The following LRRC9 variants were observed in gnomAD, a reference collection of about 807,000 sequenced individuals.
LRRC9 encodes leucine rich repeat containing 9.
In LRRC9, 122 loss-of-function variants were observed where a neutral mutation model predicts 63.2. The ratio of observed to expected loss-of-function variants is 1.93; its 90% CI spans 1.67 to 2.24. The LOEUF (loss-of-function observed/expected upper bound fraction) is 2.24. Ranked by LOEUF, LRRC9 falls within the 30% of genes most tolerant of loss-of-function variation. LRRC9 has a pLI of 0.00. For synonymous variants in LRRC9, 366 were observed against 213.1 expected (o/e 1.72, Z -6.25); for missense variants, 1,071 against 627.7 (o/e 1.71, Z -7.55).
intron 1 of LRRC9, among the ~76,000 whole-genome samples, chr14:59,925,426 A>G (rs1225444865): frequency 6.6e-6 from 1 of 152,172 alleles, no homozygotes; most frequent in Non-Finnish European, 1.5e-5. Context: ...GAAGGGCAAA[A>G]AAGGGATGAA....
rs893478205 is a variant in LRRC9 at position 59,938,238 on chromosome 14, TAG to T, written c.544-146_544-145del. On this transcript the variant is annotated intron_variant, in intron 6 of 31. Transcript: ENST00000445360. The surrounding 1 kb of genome is among the most constrained non-coding windows in gnomAD (Gnocchi z 4.2). ...TTTCTTCAGGAATTTAGCTTTTCAA[TAG>T]AGAGAAACATTTTAGGCATCTAAAT... Among the ~76,000 whole-genome samples, 56 of 152,308 alleles carry T rather than the reference TAG, an allele frequency of 3.7e-4. No homozygotes were observed. The highest frequency in any genetic ancestry group is 1.3e-3 in the African/African-American group (56 of 41,588).
In LRRC9 at chr14:59,997,689, C is replaced by A. The variant is rs1002889365; in HGVS notation, c.2245C>A (p.His749Asn). The A allele has an allele frequency of 2.1e-5, 15 of 700,904 alleles. No individual in the cohort carries two copies. The African/African-American group carries it at 2.6e-4, about 12-fold the overall frequency. 43.4% of individuals were successfully genotyped at this position (700,904 alleles called of 1,614,324 possible). A position where few individuals can be genotyped will look rare whatever the true frequency, so the allele number is the denominator to read the frequency against. The change falls in exon 18 of 32, where the codon CAT (histidine) becomes AAT (asparagine). Residue 749 changes from histidine to asparagine, a missense_variant. Coordinates refer to ENST00000445360, the Ensembl canonical transcript of LRRC9. ...TGAATATTTGGATGCAAGCCATAACCATGTGATAACCCTTGAGGGATTTAG... is the reference window on the plus strand; with the variant it reads ...TGAATATTTGGATGCAAGCCATAACAATGTGATAACCCTTGAGGGATTTAG...
At chr14:59,971,901 C>G (rs1022831234) in intron 12 of LRRC9, among the ~76,000 whole-genome samples, 1 of 152,086 alleles carries the variant, frequency 6.6e-6, no homozygotes, top group East Asian at 1.9e-4. Flanking sequence ...CCATTTTTCA[C>G]AGTACAAATT....
At chr14:59,973,731 T>A (rs539232518) in intron 12 of LRRC9, among the ~76,000 whole-genome samples, 3 of 152,228 alleles carry the variant, frequency 2.0e-5, no homozygotes, top group Admixed American at 6.5e-5. Context: ...TCCTCAGATG[T>A]GGGAACTGTG....
exon 15 of LRRC9, chr14:59,978,073 G>A: frequency 1.4e-6 from 1 of 702,296 alleles, no homozygotes; most frequent in African/African-American, 1.7e-5. Context: ...CAAGTGGTTT[G>A]TCTTTGATCA....
Position 59,927,439 on chromosome 14 carries a change from G to T in LRRC9, c.-33-472G>T, listed in dbSNP as rs1889301176. 1.3e-5 allele frequency among the ~76,000 whole-genome samples: 2 copies of T among 152,012 alleles called. No homozygotes were observed. On this transcript the variant is annotated intron_variant, in intron 1 of 31. Transcript: ENST00000445360. The surrounding 1 kb of genome is among the most constrained non-coding windows in gnomAD (Gnocchi z 4.4). Reference sequence around the variant, plus strand: ...CACTTATTACTATGCCAAAAATGTTGCTAAGCCCTAAGGATTCTTCTCTTT... The same window carrying T: ...CACTTATTACTATGCCAAAAATGTTTCTAAGCCCTAAGGATTCTTCTCTTT...
intron 3 of LRRC9, among the ~76,000 whole-genome samples, chr14:59,928,836 A>G (rs1426610025): frequency 1.3e-5 from 2 of 152,116 alleles, no homozygotes; most frequent in South Asian, 4.1e-4. Flanking sequence ...AGGACCATCT[A>G]TTCAATATAT....
At chr14:59,940,294 A>C (rs1881620599) in intron 7 of LRRC9, among the ~76,000 whole-genome samples, 1 of 152,128 alleles carries the variant, frequency 6.6e-6, no homozygotes, top group Admixed American at 6.6e-5. Flanking sequence ...GACCAAAATG[A>C]TTTTCAAATT....
intron 8 of LRRC9, among the ~76,000 whole-genome samples, chr14:59,951,922 T>G (rs1883175888): frequency 6.6e-6 from 1 of 152,132 alleles, no homozygotes; most frequent in Non-Finnish European, 1.5e-5. Flanking sequence ...ACAGGGACAT[T>G]TAAGTCTGCA....
In LRRC9 at chr14:59,938,694, T is replaced by C; in HGVS notation, c.726+122T>C. The C allele has an allele frequency of 2.1e-6, 1 of 476,186 alleles. No individual in the cohort carries two copies. The highest frequency in any genetic ancestry group is 3.7e-6 in the Non-Finnish European group (1 of 272,586). The allele number at this position is 476,186 out of a possible 1,614,324, so 29.5% of individuals were successfully genotyped here. ...TCAGTTCTTGTTGCCAAGTCTGCTT[T>C]TGCCCTAGTGAACTGGATATTACAC... On this transcript the variant is annotated intron_variant, in intron 7 of 31. Transcript: ENST00000445360. This position sits in a 1 kb window ranked among gnomAD's most constrained non-coding sequence, Gnocchi z 4.2.
chr14:59,921,857 G>T, intron 1 of LRRC9, among the ~76,000 whole-genome samples: 1 of 151,738 alleles, frequency 6.6e-6, no homozygotes, highest in East Asian at 1.9e-4. Context: ...AAGCCGAGGC[G>T]GGTGGATCAC....
chr14:59,938,613 ATTAG>A lies in LRRC9; in HGVS notation c.726+45_726+48del. ...ATCAGGCATCTGTGATTTCAGTTTT[ATTAG>A]TTAACGGCTTCTTTCTGGCCATGTC... On this transcript the variant is annotated intron_variant, in intron 7 of 31. Coordinates refer to ENST00000445360, the Ensembl canonical transcript of LRRC9. The surrounding 1 kb of genome is among the most constrained non-coding windows in gnomAD (Gnocchi z 4.2). 1 of 639,770 alleles carries A rather than the reference ATTAG, an allele frequency of 1.6e-6. No homozygotes were observed. The highest frequency in any genetic ancestry group is 2.8e-6 in the Non-Finnish European group (1 of 356,724). The allele number at this position is 639,770 out of a possible 1,614,324, so 39.6% of individuals were successfully genotyped here. A position where few individuals can be genotyped will look rare whatever the true frequency, so the allele number is the denominator to read the frequency against.
At chr14:60,062,029 C>G (rs1894688191) in intron 31 of LRRC9, 1 of 398,624 alleles carries the variant, frequency 2.5e-6, no homozygotes. Flanking sequence ...AACAAGAATG[C>G]TGGGATTCTG....
In LRRC9 at chr14:59,946,618, C is replaced by G. The variant is rs1457645160; in HGVS notation, c.882+1874C>G. Among the ~76,000 whole-genome samples the G allele has an allele frequency of 6.1e-4, 89 of 145,948 alleles. 1 individual carries two copies. The highest frequency in any genetic ancestry group is 2.2e-3 in the African/African-American group (87 of 39,474). ...TGCGCTGCACCCACTAACTCGTCAT[C>G]TAGCATTAGGTATATCTCCCAGTGC... is the stretch of plus-strand genomic sequence containing the variant. On this transcript the variant is annotated intron_variant, in intron 8 of 31. Transcript: ENST00000445360.
downstream of LRRC9, among the ~76,000 whole-genome samples, chr14:60,064,533 T>C (rs1894832264): frequency 6.6e-6 from 1 of 152,236 alleles, no homozygotes; most frequent in Non-Finnish European, 1.5e-5. Flanking sequence ...AAATGCTGTA[T>C]GTCTTTACTT....
rs558288831 is a variant in LRRC9 at position 59,932,185 on chromosome 14, C to T, written c.543+146C>T. ...TCCAGGAAATTTGAAAGTCATCTGA[C>T]TACATTGGCCTTAATGATCTGACAC... On this transcript the variant is annotated intron_variant, in intron 6 of 31. Coordinates refer to ENST00000445360, the Ensembl canonical transcript of LRRC9. This position sits in a 1 kb window ranked among gnomAD's most constrained non-coding sequence, Gnocchi z 4.7. 5.3e-6 allele frequency: 3 copies of T among 566,224 alleles called. No individual in the cohort carries two copies. In the Admixed American group the frequency reaches 1.0e-4, roughly 19 times the overall value. 35.1% of individuals were successfully genotyped at this position (566,224 alleles called of 1,614,324 possible).
At chr14:60,052,688 G>A (rs1397841367) in intron 29 of LRRC9, among the ~76,000 whole-genome samples, 1 of 152,198 alleles carries the variant, frequency 6.6e-6, no homozygotes, top group African/African-American at 2.4e-5. Context: ...TGAAGAGATG[G>A]ATCATGTAGT....
rs1893045452 is a variant in LRRC9, at chr14:60,042,548, C to CCGTGGG, written c.3990+10486_3990+10487insGTGGGC. Among the ~76,000 whole-genome samples the CCGTGGG allele has an allele frequency of 2.6e-5, 4 of 152,182 alleles. No individual in the cohort carries two copies. Among genetic ancestry groups the CCGTGGG allele is most frequent in the African/African-American group, 4.8e-5 (2 of 41,448 alleles). On this transcript the variant is annotated intron_variant, in intron 29 of 31. Coordinates refer to ENST00000445360, the Ensembl canonical transcript of LRRC9. This position sits in a 1 kb window ranked among gnomAD's most constrained non-coding sequence, Gnocchi z 4.2. ...CTCCGTGGGCATGGGATCCTCCAAG[C>CCGTGGG]CATGCGCGGGATATAATCTCCTGTT... is the stretch of plus-strand genomic sequence containing the variant.
At chr14:59,943,593 AAAAC>A (rs1443726156) in intron 7 of LRRC9, among the ~76,000 whole-genome samples, 2 of 152,102 alleles carry the variant, frequency 1.3e-5, no homozygotes, top group African/African-American at 4.8e-5. Context: ...TCATGATCCT[AAAAC>A]AAACTTTTTT....
Sources: gnomAD v4.1 joint callset for allele counts (sites outside exome capture counted in the v4.1 genomes callset) on GRCh38, gnomAD v4.1.1 for gene constraint, Gnocchi (gnomAD v3.1) non-coding constraint, MANE v1.5 for transcripts, NCBI Gene and HGNC (gene_info 2026-07-23, HGNC 2026-07-21) for gene names.